Variants in GRM7 observed in about 807,000 individuals in gnomAD.
GRM7 encodes metabotropic glutamate receptor 7.
Under a neutral mutation model 84.5 loss-of-function variants are expected in GRM7, and 35 were observed. The observed-to-expected ratio is 0.41, with a 90% CI of 0.32 to 0.55. The LOEUF (loss-of-function observed/expected upper bound fraction) is 0.55, where lower values mean the gene tolerates loss of function less well. GRM7 is among the 20% of genes least tolerant of loss of function. GRM7 has a pLI of 0.19. For missense variants in GRM7, 1,003 were observed against 1,194.6 expected, an observed-to-expected ratio of 0.84 and a Z score of 2.36; for synonymous variants, 487 against 455.1, an observed-to-expected ratio of 1.07 and a Z score of -0.89.
chr3:7,162,975 G>T (rs189946329), intron 2 of GRM7, among the ~76,000 whole-genome samples: 282 of 151,810 alleles, frequency 1.9e-3, no homozygotes, highest in Admixed American at 3.9e-3. Context: ...GGCCAGGCTG[G>T]TCTTGAACTC....
intron 8 of GRM7, among the ~76,000 whole-genome samples, chr3:7,590,739 G>A (rs538460214): frequency 3.3e-5 from 5 of 152,112 alleles, no homozygotes; most frequent in East Asian, 1.9e-4. Flanking sequence ...CTCACCACTC[G>A]AAGCTCAGCC....
intron 1 of GRM7, among the ~76,000 whole-genome samples, chr3:7,078,380 A>T (rs1450932574): frequency 6.6e-6 from 1 of 152,180 alleles, no homozygotes; most frequent in Non-Finnish European, 1.5e-5. Flanking sequence ...TCATAGTTGG[A>T]GAAGCACGGG....
intron 1 of GRM7, among the ~76,000 whole-genome samples, chr3:6,946,403 T>C (rs545054446): frequency 6.6e-6 from 1 of 152,342 alleles, no homozygotes; most frequent in East Asian, 1.9e-4. Context: ...GGCTCTGTTA[T>C]GTTCCATTGG....
chr3:7,164,337 C>T (rs546916606), intron 2 of GRM7, among the ~76,000 whole-genome samples: 21 of 152,166 alleles, frequency 1.4e-4, no homozygotes, highest in Admixed American at 5.9e-4. Flanking sequence ...CCAGCCTGGA[C>T]GACAGAGCGA....
chr3:6,985,269 G>T (rs1694366362), intron 1 of GRM7, among the ~76,000 whole-genome samples: 1 of 152,054 alleles, frequency 6.6e-6, no homozygotes, highest in African/African-American at 2.4e-5. Flanking sequence ...GTTATTGATT[G>T]TAGTCACTCT....
chr3:7,631,217 A>C (rs2125096372), intron 8 of GRM7, among the ~76,000 whole-genome samples: 1 of 152,232 alleles, frequency 6.6e-6, no homozygotes, highest in Admixed American at 6.5e-5. Context: ...CTTTCTCTTT[A>C]TGCCTTGCAG....
At chr3:7,450,243 C>T (rs1489556502) in intron 5 of GRM7, among the ~76,000 whole-genome samples, 1 of 152,074 alleles carries the variant, frequency 6.6e-6, no homozygotes, top group African/African-American at 2.4e-5. Flanking sequence ...TAGCCTTTCT[C>T]ACGTACCTGA....
At chr3:7,252,666 T>TTTTTC (rs796901496) in intron 2 of GRM7, among the ~76,000 whole-genome samples, 6 of 142,888 alleles carry the variant, frequency 4.2e-5, no homozygotes, top group African/African-American at 1.3e-4. Flanking sequence ...CTTTTCTATT[T>TTTTTC]TTTTCTTTTC....
At chr3:7,390,761 T>C (rs1694959362) in intron 4 of GRM7, among the ~76,000 whole-genome samples, 1 of 152,120 alleles carries the variant, frequency 6.6e-6, no homozygotes, top group South Asian at 2.1e-4. Context: ...TCTTTTTCTG[T>C]CCTCTTTGTG....
rs138474998 is a variant in GRM7 at position 7,680,444 on chromosome 3, T to A, written c.2698+149T>A. 9.9e-6 allele frequency: 7 copies of A among 706,304 alleles called. No homozygotes were observed. The East Asian group carries it at 1.8e-4, about 19-fold the overall frequency. The allele number at this position is 706,304 out of a possible 1,614,324, so 43.8% of individuals were successfully genotyped here. ...TGGTGAATGCCAGCTTCTGCTCTTT[T>A]GAGTTTGACTCATTCCTGCCACCAT... On this transcript the variant is annotated intron_variant, in intron 9 of 9. Coordinates refer to ENST00000357716, the MANE Select transcript of GRM7 (RefSeq NM_000844.4).
chr3:7,452,488 C>G (rs1260289036), intron 5 of GRM7, 119 bp from the exon 6 acceptor site: 1 of 719,890 alleles, frequency 1.4e-6, no homozygotes, highest in African/African-American at 1.7e-5. Flanking sequence ...CTGTATTTAT[C>G]GAAGCAGTGT....
chr3:7,224,363 T>C (rs2063884), intron 2 of GRM7, among the ~76,000 whole-genome samples: 61,929 of 152,098 alleles, frequency 0.41, 13,718 homozygotes, highest in East Asian at 0.55. Context: ...CAAAGGGGGA[T>C]GGTGCTAACC....
At chr3:7,097,066 C>T (rs2125015257) in intron 1 of GRM7, among the ~76,000 whole-genome samples, 1 of 152,218 alleles carries the variant, frequency 6.6e-6, no homozygotes, top group South Asian at 2.1e-4. Context: ...GAGTCTGGGG[C>T]ACAATTTAGT....
At position 7,616,025 on chromosome 3, in the gene GRM7, C is replaced by T. The variant is rs192904247; in HGVS notation, c.2451+36668C>T. On this transcript the variant is annotated intron_variant, in intron 8 of 9. Transcript: ENST00000357716. ...TATATTTTTAATTTTATTCAGGTTT[C>T]TAGTTGTACTCAGTAGAAAGGTTGA... 2.7e-3 allele frequency among the ~76,000 whole-genome samples: 414 copies of T among 152,078 alleles called. 3 individuals carry two copies. The highest frequency in any genetic ancestry group is 9.5e-3 in the African/African-American group (396 of 41,510).
chr3:7,454,741 T>C (rs1697931458), intron 6 of GRM7, among the ~76,000 whole-genome samples: 1 of 152,100 alleles, frequency 6.6e-6, no homozygotes, highest in Non-Finnish European at 1.5e-5. Flanking sequence ...AAATATAGAA[T>C]GAACCCTGTT....
intron 4 of GRM7, among the ~76,000 whole-genome samples, chr3:7,411,483 T>C (rs1303623840): frequency 6.6e-6 from 1 of 151,878 alleles, no homozygotes; most frequent in Non-Finnish European, 1.5e-5. Context: ...AATAATCTAA[T>C]TTTTTTTAGA....
At chr3:7,415,328 A>G (rs1696117357) in intron 5 of GRM7, among the ~76,000 whole-genome samples, 165 bp downstream of exon 5, 1 of 152,200 alleles carries the variant, frequency 6.6e-6, no homozygotes, top group Non-Finnish European at 1.5e-5. Flanking sequence ...TTGCAGGACA[A>G]AAGACATACA....
chr3:7,520,586 C>CG (rs1700559115), intron 7 of GRM7, among the ~76,000 whole-genome samples: 1 of 152,008 alleles, frequency 6.6e-6, no homozygotes, highest in African/African-American at 2.4e-5. Flanking sequence ...AGAACTGACT[C>CG]TAACACAAGT....
intron 3 of GRM7, among the ~76,000 whole-genome samples, chr3:7,305,504 G>A (rs1250450700): frequency 5.0e-5 from 1 of 20,170 alleles, no homozygotes; most frequent in African/African-American, 1.5e-4. Flanking sequence ...CCCCTCCCCC[G>A]ACCCCACCAC....
Sources: allele counts gnomAD v4.1 joint callset (sites outside exome capture counted in the v4.1 genomes callset), GRCh38; gene constraint gnomAD v4.1.1; transcripts MANE v1.5; gene names NCBI Gene and HGNC (gene_info 2026-07-23, HGNC 2026-07-21).